The following DSCAM variants were observed in gnomAD, a reference collection of about 807,000 sequenced individuals.
The protein encoded by DSCAM is cell adhesion molecule DSCAM.
A neutral mutation model predicts 217.7 loss-of-function variants in DSCAM; 47 were observed. The observed-to-expected ratio is 0.22, with a 90% confidence interval of 0.17 to 0.28. The LOEUF (loss-of-function observed/expected upper bound fraction) is 0.28. Among genes scored for constraint, DSCAM ranks in the 10% least tolerant of loss-of-function variants. The pLI is 1.00. For missense variants in DSCAM, 2,080 were observed against 2,618.3 expected, an observed-to-expected ratio of 0.79 and a Z score of 4.49; for synonymous variants, 1,056 against 1,015.3, an observed-to-expected ratio of 1.04 and a Z score of -0.76.
chr21:40,013,627 T>A (rs1436209110), intron 32 of DSCAM, among the ~76,000 whole-genome samples: 2 of 152,186 alleles, frequency 1.3e-5, no homozygotes, highest in African/African-American at 4.8e-5. Flanking sequence ...TGTATTAACT[T>A]ACTTGTACAG....
chr21:40,557,667 C>T (rs985851888), intron 3 of DSCAM, among the ~76,000 whole-genome samples: 1 of 152,192 alleles, frequency 6.6e-6, no homozygotes, highest in Non-Finnish European at 1.5e-5. Context: ...TCTCCCTGTA[C>T]ATGCGCACTT....
chr21:40,328,407 A>G (rs1415157020), intron 8 of DSCAM, among the ~76,000 whole-genome samples: 1 of 152,136 alleles, frequency 6.6e-6, no homozygotes, highest in East Asian at 1.9e-4. Context: ...GAAACTAGAT[A>G]CCCACAAGCA....
chr21:40,450,898 T>A (rs531579105), intron 3 of DSCAM, among the ~76,000 whole-genome samples: 33 of 152,368 alleles, frequency 2.2e-4, no homozygotes, highest in South Asian at 6.2e-4. Context: ...AGGATTTCAA[T>A]CTTATTTTAT....
chr21:40,404,336 C>A (rs2075263222), intron 3 of DSCAM, among the ~76,000 whole-genome samples: 1 of 152,194 alleles, frequency 6.6e-6, no homozygotes, highest in African/African-American at 2.4e-5. Context: ...GGTTGGAGAT[C>A]TCTTAGATCA....
chr21:40,263,941 A>G (rs1044102842), intron 11 of DSCAM, among the ~76,000 whole-genome samples: 4 of 152,204 alleles, frequency 2.6e-5, no homozygotes, highest in African/African-American at 9.6e-5. Flanking sequence ...GACACAAACT[A>G]GAAAATCTAG....
chr21:40,299,383 G>A (rs1472304197), intron 9 of DSCAM, among the ~76,000 whole-genome samples: 2 of 152,068 alleles, frequency 1.3e-5, no homozygotes, highest in Non-Finnish European at 2.9e-5. Flanking sequence ...TTTCATGAAA[G>A]TGAACTTGTG....
intron 11 of DSCAM, among the ~76,000 whole-genome samples, chr21:40,198,234 A>T (rs1024165924): frequency 6.6e-6 from 1 of 152,228 alleles, no homozygotes; most frequent in Non-Finnish European, 1.5e-5. Context: ...AGGTGCCATT[A>T]AAGTTCTAAA....
intron 8 of DSCAM, among the ~76,000 whole-genome samples, chr21:40,334,023 T>C (rs2074403618): frequency 6.6e-6 from 1 of 152,154 alleles, no homozygotes; most frequent in African/African-American, 2.4e-5. Flanking sequence ...CAGTCCTTGT[T>C]TGAATTTTTG....
intron 19 of DSCAM, among the ~76,000 whole-genome samples, chr21:40,130,343 C>T (rs192583089): frequency 7.9e-5 from 12 of 152,290 alleles, no homozygotes; most frequent in African/African-American, 2.6e-4. Flanking sequence ...CCAAGTCGTC[C>T]TTCGTGTTTC....
chr21:40,106,185 C>A (rs571054433), intron 20 of DSCAM, among the ~76,000 whole-genome samples: 6 of 152,170 alleles, frequency 3.9e-5, no homozygotes, highest in African/African-American at 1.4e-4. Flanking sequence ...ACCATCAGAA[C>A]TCATGAGACT....
intron 1 of DSCAM, among the ~76,000 whole-genome samples, chr21:40,798,634 T>C (rs1364068279): frequency 6.6e-6 from 1 of 152,100 alleles, no homozygotes; most frequent in Non-Finnish European, 1.5e-5. Context: ...ATGTTGTCAT[T>C]ATAAGTGTAA....
At chr21:40,051,502 T>C (rs567950865) in intron 30 of DSCAM, among the ~76,000 whole-genome samples, 1 of 152,312 alleles carries the variant, frequency 6.6e-6, no homozygotes, top group East Asian at 1.9e-4. Context: ...TGTGCAACTT[T>C]ATACTGTTTG....
At chr21:40,554,815 TGTTTTTAC>T (rs375730090) in intron 3 of DSCAM, among the ~76,000 whole-genome samples, 9,144 of 152,200 alleles carry the variant, frequency 0.06, 835 homozygotes, top group African/African-American at 0.2. Flanking sequence ...ATTTCATTTT[TGTTTTTAC>T]GTTTTTGTAA....
intron 1 of DSCAM, among the ~76,000 whole-genome samples, chr21:40,775,652 C>A (rs1188590539): frequency 1.3e-5 from 2 of 152,186 alleles, no homozygotes; most frequent in Non-Finnish European, 2.9e-5. Flanking sequence ...GGTTCGCCAA[C>A]CTTTGGACTC....
intron 16 of DSCAM, among the ~76,000 whole-genome samples, chr21:40,156,287 CAGAGAGAG>C (rs749781848): frequency 0.084 from 6,385 of 75,740 alleles, 169 homozygotes; most frequent in Non-Finnish European, 0.1. Flanking sequence ...CAAACTAAGA[CAGAGAGAG>C]AGAGAGAGAG....
chr21:40,551,174 T>C lies in DSCAM; in HGVS notation c.508+141636A>G, dbSNP rs540238426. On this transcript the variant is annotated intron_variant, in intron 3 of 32. Transcript: ENST00000400454. The stretch of plus-strand genomic sequence containing the variant: ...AGTACATGAGCTGCAGGTGGTTGGG[T>C]TACAGCTTGGTTTTACACGTCTTAG... Among the ~76,000 whole-genome samples the C allele has an allele frequency of 2.6e-5, 4 of 152,248 alleles. 1 individual carries two copies. In the South Asian group the frequency reaches 8.3e-4, roughly 32 times the overall value.
chr21:40,774,392 T>C lies in DSCAM; in HGVS notation c.44-65621A>G, dbSNP rs148216309. On this transcript the variant is annotated intron_variant, in intron 1 of 32. Transcript: ENST00000400454. ...TACATGAAGGAGCAATGGAACAGCA[T>C]GGGCTCCAGACTGCCTGGGAGCTCA... 4.1e-3 allele frequency among the ~76,000 whole-genome samples: 622 copies of C among 152,376 alleles called. 3 individuals are homozygous for C. Among genetic ancestry groups the C allele is most frequent in the African/African-American group, 0.014 (570 of 41,588 alleles).
chr21:40,764,290 T>A (rs1300218661), intron 1 of DSCAM, among the ~76,000 whole-genome samples: 1 of 148,620 alleles, frequency 6.7e-6, no homozygotes, highest in East Asian at 2.0e-4. Context: ...TCAAGTATAT[T>A]AGCAGACACT....
chr21:40,023,479 C>T (rs2088315103), intron 32 of DSCAM, among the ~76,000 whole-genome samples: 4 of 148,458 alleles, frequency 2.7e-5, no homozygotes. Flanking sequence ...GTTTACAGTC[C>T]CACCAACAGT....
Sources: allele counts gnomAD v4.1 joint callset (sites outside exome capture counted in the v4.1 genomes callset), GRCh38; gene constraint gnomAD v4.1.1; transcripts MANE v1.5; gene names NCBI Gene and HGNC (gene_info 2026-07-23, HGNC 2026-07-21).